RALYL: variants seen among roughly 807,000 people sequenced by gnomAD.
RALYL encodes RALY RNA binding protein like, also known as RNA-binding Raly-like protein.
Under a neutral mutation model 35.1 loss-of-function variants are expected in RALYL, and 29 were observed. The ratio of observed to expected loss-of-function variants is 0.83; its 90% CI spans 0.61 to 1.13. RALYL has a LOEUF of 1.13. RALYL is among the 50% of genes most tolerant of loss of function. RALYL has a pLI of 0.00. For synonymous variants in RALYL, 120 were observed against 127.6 expected, an observed-to-expected ratio of 0.94 and a Z score of 0.40; for missense variants, 359 against 360.4, an observed-to-expected ratio of 1.00 and a Z score of 0.03.
At chr8:84,808,190 G>T (rs1825104039) in intron 4 of RALYL, among the ~76,000 whole-genome samples, 1 of 152,344 alleles carries the variant, frequency 6.6e-6, no homozygotes, top group Middle Eastern at 3.4e-3. Flanking sequence ...TAAGACGAGA[G>T]ATGAGGATCC....
chr8:84,495,378 C>A (rs2055885615), intron 1 of RALYL, among the ~76,000 whole-genome samples: 1 of 151,964 alleles, frequency 6.6e-6, no homozygotes. Context: ...TTTGAGACAT[C>A]AACTTGAAAA....
chr8:84,442,924 T>C, intron 1 of RALYL, among the ~76,000 whole-genome samples: 1 of 151,928 alleles, frequency 6.6e-6, no homozygotes, highest in East Asian at 1.9e-4. Flanking sequence ...CACACTTCTC[T>C]TATATGTGAC....
chr8:84,193,489 G>T (rs1411805123), intron 1 of RALYL, among the ~76,000 whole-genome samples: 1 of 152,150 alleles, frequency 6.6e-6, no homozygotes, highest in Non-Finnish European at 1.5e-5. Context: ...TATTTCTTGA[G>T]CATTTTCTTT....
At chr8:84,389,149 T>A (rs1859979592) in intron 1 of RALYL, among the ~76,000 whole-genome samples, 2 of 152,112 alleles carry the variant, frequency 1.3e-5, no homozygotes, top group Admixed American at 1.3e-4. Context: ...GATCAGATAG[T>A]TGTAGATATA....
chr8:84,283,387 G>T (rs1836993173), intron 1 of RALYL, among the ~76,000 whole-genome samples: 1 of 151,998 alleles, frequency 6.6e-6, no homozygotes. Flanking sequence ...AGCCATCAAA[G>T]GAAAAAAGGC....
At chr8:84,776,100 A>T (rs1816772680) in intron 3 of RALYL, among the ~76,000 whole-genome samples, 1 of 152,216 alleles carries the variant, frequency 6.6e-6, no homozygotes, top group African/African-American at 2.4e-5. Context: ...GAATTAAGTT[A>T]TATGTGTTAA....
intron 1 of RALYL, among the ~76,000 whole-genome samples, chr8:84,463,077 T>A (rs2051002831): frequency 6.6e-6 from 1 of 152,026 alleles, no homozygotes; most frequent in Non-Finnish European, 1.5e-5. Flanking sequence ...TAAATGTCAT[T>A]GACTTTCATA....
chr8:84,469,187 G>T (rs544410313), intron 1 of RALYL, among the ~76,000 whole-genome samples: 1 of 152,210 alleles, frequency 6.6e-6, no homozygotes, highest in African/African-American at 2.4e-5. Flanking sequence ...TGCTGGTGAG[G>T]AACTGTGTTC....
chr8:84,231,952 G>C (rs538284814), intron 1 of RALYL, among the ~76,000 whole-genome samples: 98 of 152,096 alleles, frequency 6.4e-4, no homozygotes, highest in African/African-American at 2.2e-3. Flanking sequence ...CTGATATATA[G>C]GTATTTAATA....
intron 3 of RALYL, among the ~76,000 whole-genome samples, chr8:84,783,136 G>A (rs571767091): frequency 1.0e-5 from 1 of 97,296 alleles, no homozygotes; most frequent in Non-Finnish European, 2.1e-5. Flanking sequence ...ATGGAGGGTA[G>A]CATGAAAGAA....
In RALYL at chr8:84,804,794, G is replaced by A; in HGVS notation, c.357G>A (p.Leu119=). ...LYRLESKEPF[L]SVGGYVFDYD... is the part of the protein sequence containing the mutation. ...GACTTGAATCAAAGGAACCTTTCCT[G>A]TCTGTTGGGTAAGTATATATTTAAA... The change falls in exon 4 of 9, where the codon CTG becomes CTA. Residue 119 remains leucine, a synonymous_variant. Transcript: ENST00000521268. 8.6e-7 allele frequency: 1 copy of A among 1,160,712 alleles called. No individual in the cohort carries two copies. The highest frequency in any genetic ancestry group is 1.1e-6 in the Non-Finnish European group (1 of 884,036). The allele number at this position is 1,160,712 out of a possible 1,614,324, so 71.9% of individuals were successfully genotyped here. A position where few individuals can be genotyped will look rare whatever the true frequency, so the allele number is the denominator to read the frequency against.
chr8:84,368,935 A>G (rs1370360895), intron 1 of RALYL, among the ~76,000 whole-genome samples: 1 of 152,296 alleles, frequency 6.6e-6, no homozygotes, highest in Non-Finnish European at 1.5e-5. Context: ...CTTCATGGCA[A>G]GTTTGTCTGG....
intron 4 of RALYL, among the ~76,000 whole-genome samples, chr8:84,808,361 A>G (rs1825149618): frequency 6.6e-6 from 1 of 152,236 alleles, no homozygotes; most frequent in Non-Finnish European, 1.5e-5. Flanking sequence ...CCATTGGTCT[A>G]TGTGCCTATT....
intron 8 of RALYL, among the ~76,000 whole-genome samples, chr8:84,900,857 C>A (rs1427069): frequency 0.42 from 63,991 of 152,050 alleles, 14,964 homozygotes; most frequent in East Asian, 0.72. Flanking sequence ...ACTGTTTCAA[C>A]AGAAATCAAG....
At chr8:84,365,022 C>A (rs1853927607) in intron 1 of RALYL, among the ~76,000 whole-genome samples, 1 of 152,006 alleles carries the variant, frequency 6.6e-6, no homozygotes, top group Admixed American at 6.6e-5. Flanking sequence ...ATGATAGACG[C>A]TATTAAATAG....
At chr8:84,428,653 CT>C (rs2132627065) in intron 1 of RALYL, among the ~76,000 whole-genome samples, 1 of 152,208 alleles carries the variant, frequency 6.6e-6, no homozygotes, top group East Asian at 1.9e-4. Flanking sequence ...CTAACCTTTA[CT>C]TTTATTTGCT....
At chr8:84,769,086 G>A (rs968973855) in intron 2 of RALYL, among the ~76,000 whole-genome samples, 1 of 152,094 alleles carries the variant, frequency 6.6e-6, no homozygotes, top group African/African-American at 2.4e-5. Context: ...TTAAGTCTAA[G>A]CTAGAAATAT....
intron 2 of RALYL, among the ~76,000 whole-genome samples, chr8:84,653,806 G>T (rs1001218807): frequency 1.3e-5 from 2 of 151,130 alleles, no homozygotes; most frequent in African/African-American, 2.4e-5. Flanking sequence ...GTGTTAGAAT[G>T]TGTAAGTTCT....
At chr8:84,507,316 T>C (rs1363654140) in intron 1 of RALYL, among the ~76,000 whole-genome samples, 1 of 152,094 alleles carries the variant, frequency 6.6e-6, no homozygotes, top group Non-Finnish European at 1.5e-5. Flanking sequence ...AACATGAACA[T>C]CATTGGTCCA....
Sources: gnomAD v4.1 joint callset for allele counts (sites outside exome capture counted in the v4.1 genomes callset) on GRCh38, gnomAD v4.1.1 for gene constraint, MANE v1.5 for transcripts, NCBI Gene and HGNC (gene_info 2026-07-23, HGNC 2026-07-21) for gene names.